Variants in CNOT6L observed in about 807,000 individuals in gnomAD.
CNOT6L encodes CCR4-NOT transcription complex subunit 6 like.
CNOT6L carries 7 observed loss-of-function variants against 64.0 expected under a neutral mutation model. The observed-to-expected ratio is 0.11, with a 90% CI of 0.06 to 0.21. CNOT6L has a LOEUF of 0.21. Ranked by LOEUF, CNOT6L falls within the 10% of genes least tolerant of loss-of-function variation. The pLI, the probability that CNOT6L is intolerant of heterozygous loss-of-function variation, is 1.00. For synonymous variants in CNOT6L, 193 were observed against 243.4 expected (o/e 0.79, Z 1.93); for missense variants, 245 against 669.0 (o/e 0.37, Z 6.99).
intron 1 of CNOT6L, 78 bp from the exon 2 acceptor site, chr4:77,776,470 TCCTTTTCTCTC>T: frequency 1.0e-6 from 1 of 985,006 alleles, no homozygotes; most frequent in South Asian, 1.8e-5. Context: ...GATGGTAAAC[TCCTTTTCTCTC>T]CCATTACCAG....
intron 1 of CNOT6L, among the ~76,000 whole-genome samples, chr4:77,816,232 A>G (rs1206420720): frequency 6.6e-6 from 1 of 152,158 alleles, no homozygotes; most frequent in Non-Finnish European, 1.5e-5. Context: ...CATGATTACT[A>G]CAGGGAAATG....
At chr4:77,765,002 C>T (rs1726664906) in intron 4 of CNOT6L, among the ~76,000 whole-genome samples, 1 of 152,086 alleles carries the variant, frequency 6.6e-6, no homozygotes, top group African/African-American at 2.4e-5. Context: ...GATGGTTAAG[C>T]ATTCTAAGTC....
At chr4:77,744,591 A>T in intron 7 of CNOT6L, 127 bp downstream of exon 7, 2 of 757,690 alleles carry the variant, frequency 2.6e-6, no homozygotes, top group African/African-American at 1.8e-5. Context: ...CATTATTTTT[A>T]AGAGGAGAGA....
chr4:77,726,348 T>C lies in CNOT6L; in HGVS notation c.1274A>G (p.Asn425Ser). ...PDSGVVEYLS[N>S]GGVADNHKDF... ...TTTATGGTTGTCAGCTACTCCTCCA[T>C]TGCTTAAGTATTCCACAACACCTGG... Residue 425 changes from asparagine (N) to serine (S), a missense_variant, in exon 11 of 12, where the codon AAT (asparagine) becomes AGT (serine). Asn to Ser is a conservative substitution (Grantham distance 46). This residue lies in a region of CNOT6L where 20 missense variants were observed against 38.3 expected (regional missense o/e 0.52). Transcript: ENST00000504123. 1 of 1,613,098 alleles carries C rather than the reference T, an allele frequency of 6.2e-7. No homozygotes were observed. The highest frequency in any genetic ancestry group is 8.5e-7 in the Non-Finnish European group (1 of 1,179,250).
At chr4:77,773,044 G>T (rs1299227474) in intron 4 of CNOT6L, 37 bp downstream of exon 4, 3 of 1,377,874 alleles carry the variant, frequency 2.2e-6, no homozygotes, top group Middle Eastern at 4.0e-4. Flanking sequence ...TCTTTAAAAG[G>T]CTCAGAATAC....
At chr4:77,774,303 CA>C (rs1413032153) in intron 3 of CNOT6L, among the ~76,000 whole-genome samples, 1 of 152,132 alleles carries the variant, frequency 6.6e-6, no homozygotes, top group Non-Finnish European at 1.5e-5. Flanking sequence ...CACCCCACCT[CA>C]AGTTTGTCAA....
intron 4 of CNOT6L, among the ~76,000 whole-genome samples, chr4:77,759,907 A>T (rs540851683): frequency 3.9e-5 from 6 of 152,350 alleles, no homozygotes; most frequent in African/African-American, 1.4e-4. Context: ...GCCAGAAAAC[A>T]AACTGTAACA....
intron 1 of CNOT6L, among the ~76,000 whole-genome samples, chr4:77,789,828 A>T (rs980762224): frequency 4.6e-5 from 7 of 151,470 alleles, no homozygotes; most frequent in African/African-American, 1.7e-4. Flanking sequence ...ACATGTGCCT[A>T]TGTTCTCAGC....
At chr4:77,803,973 T>C (rs1731921902) in intron 1 of CNOT6L, among the ~76,000 whole-genome samples, 1 of 151,846 alleles carries the variant, frequency 6.6e-6, no homozygotes, top group East Asian at 1.9e-4. Context: ...AGTTTGTCAA[T>C]TCCTCAAAAA....
At chr4:77,748,466 G>A in intron 5 of CNOT6L, 82 bp from the exon 6 acceptor site, 2 of 908,008 alleles carry the variant, frequency 2.2e-6, no homozygotes, top group Non-Finnish European at 3.6e-6. Flanking sequence ...AAACACTTCT[G>A]TTTTCTATTC....
intron 1 of CNOT6L, among the ~76,000 whole-genome samples, chr4:77,792,775 G>T (rs1201940080): frequency 6.7e-6 from 1 of 149,218 alleles, no homozygotes; most frequent in Admixed American, 6.7e-5. Context: ...ATTAGTAACT[G>T]TCATGGCTCT....
chr4:77,724,513 G>A (rs1721619217), intron 11 of CNOT6L, among the ~76,000 whole-genome samples: 1 of 151,786 alleles, frequency 6.6e-6, no homozygotes, highest in African/African-American at 2.4e-5. Flanking sequence ...GGTGGTGTGT[G>A]CCTGTAGTCC....
chr4:77,778,553 G>GTT (rs1489252058), intron 1 of CNOT6L, among the ~76,000 whole-genome samples: 2 of 151,946 alleles, frequency 1.3e-5, no homozygotes, highest in African/African-American at 4.8e-5. Flanking sequence ...TTACGGGCGC[G>GTT]TGTCACCACG....
chr4:77,803,266 A>T (rs1731808816), intron 1 of CNOT6L, among the ~76,000 whole-genome samples: 1 of 152,226 alleles, frequency 6.6e-6, no homozygotes, highest in Admixed American at 6.5e-5. Context: ...TCCAAAATTT[A>T]AAATATGTAT....
intron 1 of CNOT6L, among the ~76,000 whole-genome samples, chr4:77,782,505 TTTTA>T (rs1362258359): frequency 3.9e-4 from 21 of 54,262 alleles, no homozygotes; most frequent in Non-Finnish European, 8.4e-4. Context: ...GCTAATTTTA[TTTTA>T]TTTTTTTTTT....
chr4:77,803,813 G>A (rs1215852217), intron 1 of CNOT6L, among the ~76,000 whole-genome samples: 1 of 152,034 alleles, frequency 6.6e-6, no homozygotes, highest in Non-Finnish European at 1.5e-5. Flanking sequence ...TGAGGCAGGA[G>A]AATCGCTTGA....
chr4:77,792,512 G>C (rs1032200870), intron 1 of CNOT6L, among the ~76,000 whole-genome samples: 6 of 152,030 alleles, frequency 3.9e-5, no homozygotes, highest in Non-Finnish European at 7.4e-5. Flanking sequence ...GATGACCTGA[G>C]GTCAGGAGTT....
intron 4 of CNOT6L, among the ~76,000 whole-genome samples, chr4:77,771,384 G>C (rs937724397): frequency 2.0e-5 from 3 of 151,938 alleles, no homozygotes; most frequent in Non-Finnish European, 4.4e-5. Context: ...TATCAATATC[G>C]GGAAGAAGAA....
intron 1 of CNOT6L, among the ~76,000 whole-genome samples, chr4:77,810,981 T>C (rs1732872616): frequency 6.6e-6 from 1 of 152,210 alleles, no homozygotes; most frequent in Non-Finnish European, 1.5e-5. Flanking sequence ...GATTCCATTC[T>C]TTTTGAAGAC....
Sources: allele counts gnomAD v4.1 joint callset (sites outside exome capture counted in the v4.1 genomes callset), GRCh38; gene constraint gnomAD v4.1.1; regional missense constraint gnomAD v4.1.1; transcripts MANE v1.5; gene names NCBI Gene and HGNC (gene_info 2026-07-23, HGNC 2026-07-21).